The following ZPBP variants were observed in gnomAD, a reference collection of about 807,000 sequenced individuals.
ZPBP encodes zona pellucida-binding protein 1.
A neutral mutation model predicts 44.8 loss-of-function variants in ZPBP; 26 were observed. That is an observed-to-expected ratio of 0.58 (90% CI 0.43 to 0.81). The LOEUF (loss-of-function observed/expected upper bound fraction) is 0.81. Ranked by LOEUF, ZPBP falls within the 30% of genes least tolerant of loss-of-function variation. ZPBP has a pLI of 0.00. For synonymous variants in ZPBP, 174 were observed against 153.2 expected (o/e 1.14, Z -1.00); for missense variants, 409 against 434.0 (o/e 0.94, Z 0.51).
At chr7:50,039,007 G>A (rs1360494259) in intron 4 of ZPBP, among the ~76,000 whole-genome samples, 1 of 152,110 alleles carries the variant, frequency 6.6e-6, no homozygotes, top group Non-Finnish European at 1.5e-5. Context: ...CACATAACTA[G>A]ATTATCTAAA....
intron 5 of ZPBP, among the ~76,000 whole-genome samples, chr7:50,023,390 T>C (rs964269389): frequency 6.6e-6 from 1 of 152,002 alleles, no homozygotes; most frequent in Non-Finnish European, 1.5e-5. Context: ...TCAAGTCTTA[T>C]TCAAGAAAAA....
chr7:49,923,344 ATGTT>A (rs1250347616), intron 1 of ZPBP, among the ~76,000 whole-genome samples: 2 of 152,214 alleles, frequency 1.3e-5, no homozygotes, highest in South Asian at 2.1e-4. Flanking sequence ...ACAATTGTGA[ATGTT>A]TGATGCATGT....
chr7:50,093,160 C>G lies in ZPBP; in HGVS notation c.35G>C (p.Gly12Ala). The change falls in exon 1 of 8, where the codon GGC becomes GCC. Residue 12 changes from glycine to alanine, a missense_variant. Transcript: ENST00000046087. The part of the protein sequence containing the change: ...EAFALGPARR[G>A]RRRTRAAGSL... ...GCCGGCGGCCCGGGTCCGCCGCCTGCCCCGCCGCGCTGGGCCAAGGGCGAA... is the reference window on the plus strand; with the variant it reads ...GCCGGCGGCCCGGGTCCGCCGCCTGGCCCGCCGCGCTGGGCCAAGGGCGAA... The G allele has an allele frequency of 6.5e-7, 1 of 1,540,566 alleles. No individual in the cohort carries two copies. The highest frequency in any genetic ancestry group is 8.7e-7 in the Non-Finnish European group (1 of 1,144,650).
At chr7:49,910,793 A>G (rs991844624) in intron 1 of ZPBP, among the ~76,000 whole-genome samples, 2 of 152,172 alleles carry the variant, frequency 1.3e-5, no homozygotes, top group Non-Finnish European at 2.9e-5. Context: ...GACTCCTGCA[A>G]CACACTAAGA....
At chr7:49,938,293 G>A (rs1404599200) in intron 7 of ZPBP, among the ~76,000 whole-genome samples, 1 of 152,100 alleles carries the variant, frequency 6.6e-6, no homozygotes, top group Non-Finnish European at 1.5e-5. Flanking sequence ...CTTGCTAAAT[G>A]TGCAATTTTG....
At chr7:49,871,290 G>A (rs1171191200) in intron 2 of ZPBP, among the ~76,000 whole-genome samples, 1 of 152,114 alleles carries the variant, frequency 6.6e-6, no homozygotes, top group Admixed American at 6.5e-5. Flanking sequence ...TGGACCTTTT[G>A]ATCCAAGTCG....
At chr7:49,896,425 A>C (rs1430585887) in intron 2 of ZPBP, among the ~76,000 whole-genome samples, 1 of 152,224 alleles carries the variant, frequency 6.6e-6, no homozygotes, top group Non-Finnish European at 1.5e-5. Context: ...TGAAATGCTC[A>C]CATTAGAAAA....
At chr7:49,860,158 T>C (rs1389115824) in intron 2 of ZPBP, among the ~76,000 whole-genome samples, 1 of 152,170 alleles carries the variant, frequency 6.6e-6, no homozygotes, top group African/African-American at 2.4e-5. Flanking sequence ...TCCAGTGGCA[T>C]TGTACATTCA....
intron 4 of ZPBP, among the ~76,000 whole-genome samples, chr7:50,040,563 C>T (rs1349305444): frequency 1.3e-5 from 2 of 152,132 alleles, no homozygotes; most frequent in African/African-American, 4.8e-5. Context: ...CACAAGGGGT[C>T]AGAGAACTCC....
intron 3 of ZPBP, among the ~76,000 whole-genome samples, chr7:50,061,317 C>T (rs1280235823): frequency 4.6e-5 from 7 of 152,142 alleles, no homozygotes; most frequent in Non-Finnish European, 1.0e-4. Flanking sequence ...ACCAGGGCAT[C>T]AGGCAAGAGA....
At chr7:49,932,502 T>A (rs748525715), downstream of ZPBP, among the ~76,000 whole-genome samples, 26 of 152,202 alleles carry the variant, frequency 1.7e-4, no homozygotes, top group Non-Finnish European at 1.5e-4. Context: ...TTGGCCAATT[T>A]CTCCCATTAG....
At chr7:49,860,147 A>G (rs1014950789) in intron 2 of ZPBP, among the ~76,000 whole-genome samples, 1 of 152,104 alleles carries the variant, frequency 6.6e-6, no homozygotes, top group Non-Finnish European at 1.5e-5. Context: ...TAAGTGTTCA[A>G]TCCAGTGGCA....
At position 49,998,367 on chromosome 7, in the gene ZPBP, C is replaced by T. The variant is rs185805124; in HGVS notation, c.784-14848G>A. On this transcript the variant is annotated intron_variant, in intron 6 of 7. Transcript: ENST00000046087. ...TCTCCGCTTCAGGGCACACCTGGAA[C>T]GTCTGAAGCCATTTATGTGATACTT... Among the ~76,000 whole-genome samples, 314 of 152,312 alleles carry T rather than the reference C, an allele frequency of 2.1e-3. 4 individuals are homozygous for T. Among genetic ancestry groups the T allele is most frequent in the African/African-American group, 7.0e-3 (291 of 41,578 alleles).
intron 1 of ZPBP, among the ~76,000 whole-genome samples, chr7:49,924,260 AT>A (rs1358807701): frequency 6.6e-6 from 1 of 152,090 alleles, no homozygotes; most frequent in African/African-American, 2.4e-5. Flanking sequence ...GTAGCAGTGA[AT>A]GAACAGGAGA....
chr7:50,085,997 CTA>C (rs1802620630), intron 2 of ZPBP, among the ~76,000 whole-genome samples: 1 of 152,108 alleles, frequency 6.6e-6, no homozygotes, highest in African/African-American at 2.4e-5. Flanking sequence ...GAGTTGCCAA[CTA>C]TCTGAAAGGT....
chr7:50,032,556 G>A (rs1214001961), intron 4 of ZPBP, among the ~76,000 whole-genome samples: 3 of 152,152 alleles, frequency 2.0e-5, no homozygotes, highest in African/African-American at 7.2e-5. Context: ...AACAATTCAG[G>A]ATCAGCTTAT....
rs561488532 is a variant in ZPBP at position 50,007,972 on chromosome 7, C to A, written c.783+10268G>T. On this transcript the variant is annotated intron_variant, in intron 6 of 7. Coordinates refer to ENST00000046087, the MANE Select transcript of ZPBP (RefSeq NM_007009.3). Reference sequence around the variant, plus strand: ...TAAGATTACAAATAAGACGAAGATGCCTGATTTTGCCTCTTATTTTCAAAA... The same window carrying A: ...TAAGATTACAAATAAGACGAAGATGACTGATTTTGCCTCTTATTTTCAAAA... 2.6e-5 allele frequency among the ~76,000 whole-genome samples: 4 copies of A among 151,966 alleles called. No individual in the cohort carries two copies. The South Asian group carries it at 6.2e-4, about 24-fold the overall frequency.
At chr7:50,022,563 T>C (rs1203572475) in intron 5 of ZPBP, among the ~76,000 whole-genome samples, 1 of 151,962 alleles carries the variant, frequency 6.6e-6, no homozygotes, top group Non-Finnish European at 1.5e-5. Context: ...CGGTATTCTA[T>C]AAATAATGAA....
Position 49,944,109 on chromosome 7 carries a change from T to C in ZPBP, c.962-6487A>G, listed in dbSNP as rs1047601404. ...GACATTGGTAACTTGCTTTGTTTCA[T>C]GACAACTGTGTATGAATCCTTCATA... On this transcript the variant is annotated intron_variant, in intron 7 of 7. Transcript: ENST00000046087. 3 of 233,692 alleles carry C rather than the reference T, an allele frequency of 1.3e-5. No homozygotes were observed. The East Asian group carries it at 4.4e-4, about 34-fold the overall frequency. 14.5% of individuals were successfully genotyped at this position (233,692 alleles called of 1,614,324 possible). A position where few individuals can be genotyped will look rare whatever the true frequency, so the allele number is the denominator to read the frequency against.
Sources: gnomAD v4.1 joint callset for allele counts (sites outside exome capture counted in the v4.1 genomes callset) on GRCh38, gnomAD v4.1.1 for gene constraint, MANE v1.5 for transcripts, NCBI Gene and HGNC (gene_info 2026-07-23, HGNC 2026-07-21) for gene names.